Variants in PRDM5 observed in about 807,000 individuals in gnomAD.
PRDM5 encodes the protein PR domain zinc finger protein 5.
Under a neutral mutation model 81.2 loss-of-function variants are expected in PRDM5, and 56 were observed. The ratio of observed to expected loss-of-function variants is 0.69; its 90% CI spans 0.56 to 0.86. PRDM5 has a LOEUF of 0.86. PRDM5 is among the 40% of genes least tolerant of loss of function. The pLI is 0.00. For missense variants in PRDM5, 697 were observed against 770.1 expected (o/e 0.91, Z 1.12); for synonymous variants, 267 against 256.4 (o/e 1.04, Z -0.39).
At chr4:120,747,192 C>A (rs959068542) in intron 14 of PRDM5, among the ~76,000 whole-genome samples, 9 of 149,304 alleles carry the variant, frequency 6.0e-5, no homozygotes, top group African/African-American at 2.2e-4. Context: ...GAACAAAAAA[C>A]CAAACACCAC....
chr4:120,814,667 G>A (rs931959759), intron 7 of PRDM5, among the ~76,000 whole-genome samples: 14 of 152,100 alleles, frequency 9.2e-5, no homozygotes, highest in Non-Finnish European at 7.4e-5. Flanking sequence ...TATAATAAAG[G>A]ATTCTACAAC....
At chr4:120,704,067 GA>G (rs1311968377) in intron 15 of PRDM5, among the ~76,000 whole-genome samples, 4 of 152,162 alleles carry the variant, frequency 2.6e-5, no homozygotes, top group African/African-American at 9.6e-5. Context: ...GGAAAAAACG[GA>G]AAGGAAGTTG....
intron 5 of PRDM5, 98 bp downstream of exon 5, chr4:120,818,255 T>C (rs1754801247): frequency 8.6e-7 from 1 of 1,167,064 alleles, no homozygotes; most frequent in African/African-American, 1.5e-5. Flanking sequence ...CGTGCGCGCG[T>C]GCACACACAC....
At chr4:120,716,442 G>A (rs1365367968) in intron 14 of PRDM5, among the ~76,000 whole-genome samples, 1 of 152,178 alleles carries the variant, frequency 6.6e-6, no homozygotes, top group African/African-American at 2.4e-5. Context: ...AAGCCAGGGA[G>A]TCTTTGGGGT....
At chr4:120,800,156 T>C (rs1225185704) in intron 8 of PRDM5, among the ~76,000 whole-genome samples, 4 of 151,878 alleles carry the variant, frequency 2.6e-5, no homozygotes, top group Non-Finnish European at 5.9e-5. Context: ...TAGTAGAGAG[T>C]GCAACATTAA....
At chr4:120,874,699 C>T (rs1406124249) in intron 2 of PRDM5, among the ~76,000 whole-genome samples, 2 of 152,072 alleles carry the variant, frequency 1.3e-5, no homozygotes, top group Non-Finnish European at 2.9e-5. Context: ...TTATTTAACA[C>T]TATTGTGAAA....
Position 120,710,426 on chromosome 4 carries a change from A to G in PRDM5, c.1624-13T>C. 1 of 1,611,682 alleles carries G rather than the reference A, an allele frequency of 6.2e-7. No individual in the cohort carries two copies. Among genetic ancestry groups the G allele is most frequent in the Non-Finnish European group, 8.5e-7 (1 of 1,177,992 alleles). ...TGTACGGCTTCTCCTGCAGTCAACA[A>G]AAAGAGACCACCAAAATTGCCAGTG... On this transcript the variant is annotated splice_polypyrimidine_tract_variant and intron_variant, in intron 14 of 15. Coordinates refer to ENST00000264808, the MANE Select transcript of PRDM5 (RefSeq NM_018699.4).
chr4:120,775,199 T>C (rs1301572473), intron 13 of PRDM5, among the ~76,000 whole-genome samples: 2 of 151,654 alleles, frequency 1.3e-5, no homozygotes, highest in Non-Finnish European at 2.9e-5. Flanking sequence ...CATAAAGTGA[T>C]TTGGAGTGTA....
At chr4:120,822,678 C>T (rs974140955) in intron 3 of PRDM5, among the ~76,000 whole-genome samples, 13 of 152,052 alleles carry the variant, frequency 8.5e-5, no homozygotes, top group African/African-American at 3.1e-4. Context: ...TTTGGGAGGG[C>T]TTTTTTGAAT....
chr4:120,778,818 A>C (rs1182716042), intron 12 of PRDM5, among the ~76,000 whole-genome samples: 1 of 152,090 alleles, frequency 6.6e-6, no homozygotes, highest in African/African-American at 2.4e-5. Context: ...TTATCTTTAC[A>C]TTTCAGTAAG....
chr4:120,875,816 C>T (rs1368566088), intron 2 of PRDM5, among the ~76,000 whole-genome samples: 1 of 152,058 alleles, frequency 6.6e-6, no homozygotes, highest in Non-Finnish European at 1.5e-5. Context: ...TTCTTTTTCA[C>T]AGAAAAAAGC....
In PRDM5 at chr4:120,710,752, A is replaced by G. The variant is rs114750513; in HGVS notation, c.1624-339T>C. ...GCTTCTCTCTCCTGCCGCCATGTGA[A>G]GAAGGATGAGTGAGCTTCCCCCTTC... On this transcript the variant is annotated intron_variant, in intron 14 of 15. Transcript: ENST00000264808. Among the ~76,000 whole-genome samples the G allele has an allele frequency of 0.069, 10,460 of 152,016 alleles. 412 individuals carry two copies. The highest frequency in any genetic ancestry group is 0.1 in the South Asian group (504 of 4,806).
In PRDM5 at chr4:120,907,523, C is replaced by G. The variant is rs563401372; in HGVS notation, c.128G>C (p.Arg43Thr). ...EKFGPFAGEK[R>T]MPEDLDENMD... ...ATTTTCATCCAAGTCTTCAGGCATT[C>G]TCTTCTCTCCAGCAAAGGGTCCGAA... Residue 43 changes from arginine to threonine, a missense_variant, in exon 2 of 16, where the codon AGA (arginine) becomes ACA (threonine). Coordinates refer to ENST00000264808, the MANE Select transcript of PRDM5 (RefSeq NM_018699.4). 1.5e-4 allele frequency: 236 copies of G among 1,613,014 alleles called. 1 individual carries two copies. The South Asian group carries it at 2.5e-3, about 17-fold the overall frequency.
intron 13 of PRDM5, among the ~76,000 whole-genome samples, chr4:120,755,818 C>T (rs1426512947): frequency 6.6e-6 from 1 of 152,156 alleles, no homozygotes; most frequent in African/African-American, 2.4e-5. Flanking sequence ...GCAGAGACAT[C>T]ATACGGAAGC....
At chr4:120,747,375 G>A (rs763119263) in intron 14 of PRDM5, among the ~76,000 whole-genome samples, 2 of 151,482 alleles carry the variant, frequency 1.3e-5, no homozygotes, top group Non-Finnish European at 2.9e-5. Flanking sequence ...CATGGCACAT[G>A]TATACATATG....
At chr4:120,757,400 G>A (rs1488094677) in intron 13 of PRDM5, among the ~76,000 whole-genome samples, 2 of 152,184 alleles carry the variant, frequency 1.3e-5, no homozygotes, top group Non-Finnish European at 2.9e-5. Context: ...GTACAGTGAC[G>A]ATGTATCCAG....
intron 13 of PRDM5, among the ~76,000 whole-genome samples, chr4:120,767,187 T>C (rs2149197600): frequency 6.6e-6 from 1 of 152,304 alleles, no homozygotes; most frequent in South Asian, 2.1e-4. Flanking sequence ...CTCCCACGAC[T>C]AACAGGTAAT....
intron 2 of PRDM5, among the ~76,000 whole-genome samples, chr4:120,892,386 T>C (rs1161181530): frequency 1.3e-5 from 2 of 152,192 alleles, no homozygotes; most frequent in Non-Finnish European, 2.9e-5. Flanking sequence ...TTTGTCTCAA[T>C]GATCTAATAC....
chr4:120,785,442 G>A (rs78666180), intron 10 of PRDM5, among the ~76,000 whole-genome samples: 30,155 of 152,006 alleles, frequency 0.2, 3,660 homozygotes, highest in Non-Finnish European at 0.28. Context: ...CCCTATCACT[G>A]GCCAGGCTTT....
Sources: gnomAD v4.1 joint callset for allele counts (sites outside exome capture counted in the v4.1 genomes callset) on GRCh38, gnomAD v4.1.1 for gene constraint, MANE v1.5 for transcripts, NCBI Gene and HGNC (gene_info 2026-07-23, HGNC 2026-07-21) for gene names.